PTPN22: variants seen among roughly 807,000 people sequenced by gnomAD.
The protein encoded by PTPN22 is protein tyrosine phosphatase non-receptor type 22.
A neutral mutation model predicts 103.3 loss-of-function variants in PTPN22; 85 were observed. That is an observed-to-expected ratio of 0.82 (90% CI 0.69 to 0.99). The LOEUF is 0.99. Ranked by LOEUF, PTPN22 falls within the 50% of genes least tolerant of loss-of-function variation. PTPN22 has a pLI of 0.00. For missense variants in PTPN22, 865 were observed against 936.9 expected (o/e 0.92, Z 1.00); for synonymous variants, 323 against 310.2 (o/e 1.04, Z -0.43).
At chr1:113,864,301 G>A (rs2102176195) in intron 1 of PTPN22, 1 of 447,194 alleles carries the variant, frequency 2.2e-6, no homozygotes, top group Non-Finnish European at 4.5e-6. Flanking sequence ...GAGGCTGGAG[G>A]ATCACTTGAG....
chr1:113,859,585 T>C (rs1262981782), intron 1 of PTPN22, 125 bp from the exon 2 acceptor site: 18 of 753,212 alleles, frequency 2.4e-5, no homozygotes, highest in Non-Finnish European at 3.9e-5. Context: ...CTTCTGGTTC[T>C]GACTCCGTTC....
chr1:113,848,865 T>C (rs1438889501), intron 10 of PTPN22, among the ~76,000 whole-genome samples: 2 of 152,214 alleles, frequency 1.3e-5, no homozygotes, highest in Non-Finnish European at 2.9e-5. Context: ...CTAACTAATG[T>C]ACAGGAATCT....
rs183145687 is a variant in PTPN22, at chr1:113,830,008, G to C, written c.2075C>G (p.Ser692Cys). The change falls in exon 17 of 21, where the codon TCT (serine) becomes TGT (cysteine). Residue 692 changes from serine (S) to cysteine (C), a missense_variant. Physicochemically the swap from Ser to Cys is moderately radical, Grantham distance 112 (BLOSUM62 -1). Coordinates refer to ENST00000359785, the Ensembl canonical transcript of PTPN22. ...TCTTTCTGGGAGAGGAGGTGGGGGA[G>C]AAGAACGATCTTGATGTAGTTCTGT... 1.5e-3 allele frequency: 2,488 copies of C among 1,605,180 alleles called. 61 individuals carry two copies. In the Admixed American group the frequency reaches 0.035, roughly 23 times the overall value.
chr1:113,825,870 T>C (rs1308623709), intron 18 of PTPN22, among the ~76,000 whole-genome samples: 3 of 151,964 alleles, frequency 2.0e-5, no homozygotes, highest in African/African-American at 4.8e-5. Context: ...CCTGCTACCA[T>C]GCCTGGCTAA....
At chr1:113,871,427 G>C (rs771927067) in intron 1 of PTPN22, 110 bp downstream of exon 1, 3 of 800,490 alleles carry the variant, frequency 3.7e-6, no homozygotes, top group Non-Finnish European at 6.1e-6. Flanking sequence ...CCCCGCCAAG[G>C]TCTCATATTT....
At chr1:113,826,929 A>G (rs1662131978) in intron 18 of PTPN22, among the ~76,000 whole-genome samples, 1 of 151,908 alleles carries the variant, frequency 6.6e-6, no homozygotes, top group Non-Finnish European at 1.5e-5. Flanking sequence ...TCGGCCTCCC[A>G]AAGTGCTGGG....
rs574826590 is a variant in PTPN22 at position 113,824,720 on chromosome 1, C to T, written c.2281+422G>A. On this transcript the variant is annotated intron_variant, in intron 19 of 20. Transcript: ENST00000359785. ...TGGGTAGAAAGTACCAAACATTGGC[C>T]GGGTGCAGTGGCTTATGCCTGTAAT... Among the ~76,000 whole-genome samples, 14 of 151,918 alleles carry T rather than the reference C, an allele frequency of 9.2e-5. No homozygotes were observed. The South Asian group carries it at 1.0e-3, about 11-fold the overall frequency.
intron 1 of PTPN22, among the ~76,000 whole-genome samples, chr1:113,863,748 G>A (rs1278386022): frequency 1.3e-5 from 2 of 151,994 alleles, no homozygotes; most frequent in Non-Finnish European, 2.9e-5. Context: ...GATGTAGCCA[G>A]ATCTTTGATA....
intron 19 of PTPN22, among the ~76,000 whole-genome samples, chr1:113,821,744 G>A (rs1051251069): frequency 6.6e-6 from 1 of 152,168 alleles, no homozygotes; most frequent in African/African-American, 2.4e-5. Context: ...CATTAGAGCT[G>A]ATTGTACCTT....
intron 7 of PTPN22, 152 bp from the exon 8 acceptor site, chr1:113,855,201 G>T: frequency 2.9e-6 from 2 of 683,116 alleles, no homozygotes; most frequent in Non-Finnish European, 4.8e-6. Context: ...ATATTCATAA[G>T]ATTAAAGTTG....
chr1:113,835,960 C>G (rs1662976731), intron 13 of PTPN22, among the ~76,000 whole-genome samples: 1 of 151,620 alleles, frequency 6.6e-6, no homozygotes, highest in Non-Finnish European at 1.5e-5. Context: ...GAGACGGAGT[C>G]TCGCTCTGTT....
chr1:113,823,148 TTC>T (rs1661760935), intron 19 of PTPN22: 1 of 149,852 alleles, frequency 6.7e-6, no homozygotes, highest in African/African-American at 2.5e-5. Flanking sequence ...CAAACTTACA[TTC>T]CACAAAGGCA....
At chr1:113,841,240 A>C (rs1663521319) in intron 11 of PTPN22, among the ~76,000 whole-genome samples, 1 of 151,922 alleles carries the variant, frequency 6.6e-6, no homozygotes, top group African/African-American at 2.4e-5. Flanking sequence ...AAAAAAAAAA[A>C]GAGAGAGAAT....
At chr1:113,814,243 T>TA (rs1661003811) in exon 21 of PTPN22, 1 of 152,240 alleles carries the variant, frequency 6.6e-6, no homozygotes, top group Non-Finnish European at 1.5e-5. Context: ...ATTTCATTGA[T>TA]TACTTTTCTA....
chr1:113,845,840 T>G (rs1189253153), intron 11 of PTPN22, among the ~76,000 whole-genome samples: 1 of 152,234 alleles, frequency 6.6e-6, no homozygotes, highest in Non-Finnish European at 1.5e-5. Context: ...TTTAGGACTA[T>G]TATGTCTTAC....
At chr1:113,853,439 C>T (rs1664748816) in intron 9 of PTPN22, among the ~76,000 whole-genome samples, 1 of 150,726 alleles carries the variant, frequency 6.6e-6, no homozygotes, top group Non-Finnish European at 1.5e-5. Context: ...CAACCTCCAC[C>T]TCCCAGGTTC....
chr1:113,835,111 C>A, intron 13 of PTPN22, 118 bp from the exon 14 acceptor site: 1 of 549,968 alleles, frequency 1.8e-6, no homozygotes, highest in South Asian at 6.2e-5. Flanking sequence ...TCCGTTGAAG[C>A]AACATTATCA....
chr1:113,841,896 T>A (rs1352921326), intron 11 of PTPN22, among the ~76,000 whole-genome samples: 1 of 151,970 alleles, frequency 6.6e-6, no homozygotes, highest in African/African-American at 2.4e-5. Flanking sequence ...AGCCACCGCA[T>A]ACAGCCTCAA....
At chr1:113,871,737 G>A, upstream of PTPN22, 1 of 864,652 alleles carries the variant, frequency 1.2e-6, no homozygotes, top group Non-Finnish European at 1.9e-6. Flanking sequence ...AGAGCATGCT[G>A]AAGGCTGTGG....
Sources: allele counts gnomAD v4.1 joint callset (sites outside exome capture counted in the v4.1 genomes callset), GRCh38; gene constraint gnomAD v4.1.1; transcripts MANE v1.5; gene names NCBI Gene and HGNC (gene_info 2026-07-23, HGNC 2026-07-21).